FAM13C: variants seen among roughly 807,000 people sequenced by gnomAD.
The protein encoded by FAM13C is protein FAM13C.
In FAM13C, 37 loss-of-function variants were observed where a neutral mutation model predicts 73.2. The ratio of observed to expected loss-of-function variants is 0.51; its 90% CI spans 0.39 to 0.67. The LOEUF (loss-of-function observed/expected upper bound fraction) is 0.67. Among genes scored for constraint, FAM13C ranks in the 30% least tolerant of loss-of-function variants. The pLI is 0.00. For synonymous variants in FAM13C, 246 were observed against 260.9 expected, an observed-to-expected ratio of 0.94 and a Z score of 0.55; for missense variants, 589 against 715.6, an observed-to-expected ratio of 0.82 and a Z score of 2.02.
At chr10:59,357,820 A>G (rs2134304619) in intron 1 of FAM13C, among the ~76,000 whole-genome samples, 1 of 152,366 alleles carries the variant, frequency 6.6e-6, no homozygotes, top group South Asian at 2.1e-4. Flanking sequence ...TCCTGCCCTA[A>G]GAAATTCACA....
At chr10:59,274,185 C>A (rs1406442743) in intron 6 of FAM13C, among the ~76,000 whole-genome samples, 2 of 151,432 alleles carry the variant, frequency 1.3e-5, no homozygotes, top group African/African-American at 4.9e-5. Context: ...CACAGAGGGC[C>A]AGAAAAACAA....
At chr10:59,257,546 C>A (rs1842060126) in intron 10 of FAM13C, among the ~76,000 whole-genome samples, 3 of 152,192 alleles carry the variant, frequency 2.0e-5, no homozygotes, top group Non-Finnish European at 4.4e-5. Flanking sequence ...CTGACATTCT[C>A]TTCTCTGGAC....
rs150779491 is a variant in FAM13C at position 59,361,641 on chromosome 10, T to C, written c.62+758A>G. On this transcript the variant is annotated intron_variant, in intron 1 of 13. Coordinates refer to ENST00000618804, the MANE Select transcript of FAM13C (RefSeq NM_198215.4). Reference sequence around the variant, plus strand: ...ATGTATATATAAATTACATACAGTATTAGCAAAATACACTACCTGTTAATT... The same window carrying C: ...ATGTATATATAAATTACATACAGTACTAGCAAAATACACTACCTGTTAATT... Among the ~76,000 whole-genome samples, 104 of 152,168 alleles carry C rather than the reference T, an allele frequency of 6.8e-4. 1 individual carries two copies. Among genetic ancestry groups the C allele is most frequent in the African/African-American group, 2.4e-3 (98 of 41,524 alleles).
chr10:59,246,699 ATAAC>A lies in FAM13C; in HGVS notation c.*911_*914del. ...CTTTTCATTTTGTACAGAAGGATGA[ATAAC>A]TACAGCTCATGGGAAATGTTTTGAC... On this transcript the variant is annotated 3_prime_UTR_variant, in exon 14 of 14. Transcript: ENST00000618804. The A allele has an allele frequency of 2.5e-6, 1 of 397,498 alleles. No individual in the cohort carries two copies. The allele number at this position is 397,498 out of a possible 1,614,324, so 24.6% of individuals were successfully genotyped here.
intron 8 of FAM13C, among the ~76,000 whole-genome samples, chr10:59,265,927 C>A (rs867674089): frequency 3.9e-5 from 6 of 152,142 alleles, no homozygotes; most frequent in Non-Finnish European, 7.3e-5. Context: ...AGACCCCAAA[C>A]GTCATACACA....
chr10:59,279,290 T>C (rs1332553294), intron 6 of FAM13C, among the ~76,000 whole-genome samples: 1 of 152,178 alleles, frequency 6.6e-6, no homozygotes, highest in Non-Finnish European at 1.5e-5. Context: ...GTGGACAGTG[T>C]CTGGAAATAT....
intron 3 of FAM13C, among the ~76,000 whole-genome samples, chr10:59,346,710 G>C (rs1854334593): frequency 6.6e-6 from 1 of 152,170 alleles, no homozygotes; most frequent in African/African-American, 2.4e-5. Context: ...CAGGAAGTTG[G>C]TTCCATTAGT....
intron 5 of FAM13C, among the ~76,000 whole-genome samples, chr10:59,289,631 C>A (rs1005655408): frequency 6.6e-5 from 10 of 152,228 alleles, no homozygotes; most frequent in East Asian, 1.9e-4. Flanking sequence ...GTAAACAAAT[C>A]AAAAAATCAT....
intron 4 of FAM13C, among the ~76,000 whole-genome samples, chr10:59,321,425 C>T (rs903379140): frequency 7.1e-6 from 1 of 140,528 alleles, no homozygotes; most frequent in Admixed American, 7.4e-5. Flanking sequence ...TGGAGCCCTG[C>T]CAACACCTTT....
rs1322484570 is a variant in FAM13C at position 59,318,695 on chromosome 10, C to A, written c.443+5293G>T. ...AGTGGGTGTGGGCAGTGAAGGAGAG[C>A]CCTCCTTTCCAGCTCCCTTTCTATG... On this transcript the variant is annotated intron_variant, in intron 4 of 13. Transcript: ENST00000618804. Among the ~76,000 whole-genome samples, 10 of 152,052 alleles carry A rather than the reference C, an allele frequency of 6.6e-5. No individual in the cohort carries two copies. In the East Asian group the frequency reaches 1.7e-3, roughly 27 times the overall value.
chr10:59,283,580 C>T (rs1420476215), intron 5 of FAM13C, 133 bp from the exon 6 acceptor site: 2 of 841,960 alleles, frequency 2.4e-6, no homozygotes, highest in Admixed American at 1.8e-5. Context: ...TCCGCAGCTC[C>T]CGCAAGCACC....
At chr10:59,271,478 G>A (rs1001639083) in intron 6 of FAM13C, among the ~76,000 whole-genome samples, 9 of 152,176 alleles carry the variant, frequency 5.9e-5, no homozygotes, top group African/African-American at 1.9e-4. Context: ...CAGCACTGTC[G>A]GTGGCTGAGG....
chr10:59,270,283 T>G, intron 6 of FAM13C, 174 bp from the exon 7 acceptor site: 1 of 653,288 alleles, frequency 1.5e-6, no homozygotes, highest in South Asian at 2.1e-5. Flanking sequence ...TCACAGAACC[T>G]GGACAGAAAA....
intron 4 of FAM13C, among the ~76,000 whole-genome samples, chr10:59,312,664 T>C (rs1023912238): frequency 6.6e-6 from 1 of 152,194 alleles, no homozygotes; most frequent in Non-Finnish European, 1.5e-5. Flanking sequence ...TGACATCATC[T>C]GGTACATTCT....
intron 3 of FAM13C, among the ~76,000 whole-genome samples, chr10:59,331,917 T>C (rs927014486): frequency 5.9e-4 from 90 of 152,242 alleles, no homozygotes; most frequent in African/African-American, 2.0e-3. Context: ...AGAAACAGTG[T>C]TCATGGAGAG....
intron 6 of FAM13C, among the ~76,000 whole-genome samples, chr10:59,274,587 G>A (rs1589420547): frequency 6.6e-6 from 1 of 152,292 alleles, no homozygotes; most frequent in East Asian, 1.9e-4. Context: ...CTTCATGACA[G>A]TCACCCTGCA....
intron 6 of FAM13C, among the ~76,000 whole-genome samples, chr10:59,273,182 T>C (rs903446422): frequency 5.3e-5 from 8 of 152,178 alleles, no homozygotes; most frequent in Non-Finnish European, 8.8e-5. Flanking sequence ...GATGTACTAG[T>C]TACATTTTTT....
intron 5 of FAM13C, among the ~76,000 whole-genome samples, chr10:59,297,754 A>G (rs760557826): frequency 1.6e-4 from 24 of 152,100 alleles, no homozygotes; most frequent in Non-Finnish European, 3.1e-4. Context: ...ACTCCCTGCA[A>G]CTGAACTTAT....
intron 3 of FAM13C, among the ~76,000 whole-genome samples, chr10:59,350,616 G>T (rs1432710934): frequency 6.6e-6 from 1 of 152,208 alleles, no homozygotes; most frequent in Non-Finnish European, 1.5e-5. Flanking sequence ...GTTACACTCT[G>T]TTTAAGATCA....
Sources: allele counts gnomAD v4.1 joint callset (sites outside exome capture counted in the v4.1 genomes callset), GRCh38; gene constraint gnomAD v4.1.1; transcripts MANE v1.5; gene names NCBI Gene and HGNC (gene_info 2026-07-23, HGNC 2026-07-21).